RASSF2: variants seen among roughly 807,000 people sequenced by gnomAD.
RASSF2 encodes Ras association domain family member 2.
In RASSF2, 34 loss-of-function variants were observed where a neutral mutation model predicts 46.3. The ratio of observed to expected loss-of-function variants is 0.73; its 90% CI spans 0.56 to 0.98. The LOEUF (loss-of-function observed/expected upper bound fraction) is 0.98, where lower values mean the gene tolerates loss of function less well. RASSF2 is among the 50% of genes least tolerant of loss of function. The pLI is 0.00. For synonymous variants in RASSF2, 158 were observed against 162.5 expected, an observed-to-expected ratio of 0.97 and a Z score of 0.21; for missense variants, 364 against 431.2, an observed-to-expected ratio of 0.84 and a Z score of 1.38.
At chr20:4,789,524 C>T (rs1346712699) in intron 8 of RASSF2, 72 bp downstream of exon 8, 15 of 1,319,410 alleles carry the variant, frequency 1.1e-5, no homozygotes, top group African/African-American at 7.3e-5. Flanking sequence ...CATAGCTCCT[C>T]GCACAACCAC....
rs150794879 is a variant in RASSF2 at position 4,808,140 on chromosome 20, G to A, written c.-32-7078C>T. Among the ~76,000 whole-genome samples the A allele has an allele frequency of 2.1e-3, 317 of 152,324 alleles. 4 individuals carry two copies. Among genetic ancestry groups the A allele is most frequent in the Non-Finnish European group, 2.5e-3 (172 of 68,042 alleles). On this transcript the variant is annotated intron_variant, in intron 2 of 11. Coordinates refer to ENST00000379400, the MANE Select transcript of RASSF2 (RefSeq NM_014737.3). Reference sequence around the variant, plus strand: ...ATTCAACTGGACACTTCCTCCAGGGGTGCCTGCCATTATCTGTGGCCTTGG... The same window carrying A: ...ATTCAACTGGACACTTCCTCCAGGGATGCCTGCCATTATCTGTGGCCTTGG...
Position 4,781,795 on chromosome 20 carries a change from C to T in RASSF2, c.*2478G>A, listed in dbSNP as rs1295814696. 6.6e-6 allele frequency: 1 copy of T among 152,210 alleles called. No individual in the cohort carries two copies. Among genetic ancestry groups the T allele is most frequent in the African/African-American group, 2.4e-5 (1 of 41,448 alleles). 9.4% of individuals were successfully genotyped at this position (152,210 alleles called of 1,614,324 possible). ...TTTGTCCTTTACACAATTTCAGGTT[C>T]ATTGCACGCAATTACATAAACTCCC... On this transcript the variant is annotated 3_prime_UTR_variant, in exon 12 of 12. Transcript: ENST00000379400.
At chr20:4,817,138 A>G (rs1928382243) in intron 2 of RASSF2, among the ~76,000 whole-genome samples, 1 of 152,106 alleles carries the variant, frequency 6.6e-6, no homozygotes, top group Non-Finnish European at 1.5e-5. Context: ...CTTCCACGTT[A>G]ATAGCTACAC....
chr20:4,786,068 C>G (rs753153693), intron 11 of RASSF2, among the ~76,000 whole-genome samples, 163 bp downstream of exon 11: 1 of 152,172 alleles, frequency 6.6e-6, no homozygotes, highest in African/African-American at 2.4e-5. Flanking sequence ...TTAACTGTCA[C>G]GTCCTCACTT....
chr20:4,794,759 A>T (rs558798100), intron 5 of RASSF2, among the ~76,000 whole-genome samples: 26 of 152,176 alleles, frequency 1.7e-4, no homozygotes, highest in Non-Finnish European at 2.9e-4. Context: ...CAGAGCATGA[A>T]ACCTGCAAAG....
intron 6 of RASSF2, among the ~76,000 whole-genome samples, chr20:4,791,384 G>C (rs1925864981): frequency 6.6e-6 from 1 of 152,046 alleles, no homozygotes; most frequent in Admixed American, 6.6e-5. Flanking sequence ...CCACTGAACT[G>C]TACCACTTAA....
intron 2 of RASSF2, among the ~76,000 whole-genome samples, chr20:4,807,981 G>A (rs1331081177): frequency 6.6e-6 from 1 of 152,132 alleles, no homozygotes; most frequent in Non-Finnish European, 1.5e-5. Flanking sequence ...CCACCTTAAG[G>A]CAAACAGCAG....
At chr20:4,786,465 C>T in intron 10 of RASSF2, 137 bp from the exon 11 acceptor site, 2 of 803,434 alleles carry the variant, frequency 2.5e-6, no homozygotes, top group Non-Finnish European at 4.3e-6. Flanking sequence ...TTAAAGGCAG[C>T]AGCCAAGCCT....
chr20:4,802,638 A>T (rs530892138), intron 2 of RASSF2, among the ~76,000 whole-genome samples: 2 of 152,274 alleles, frequency 1.3e-5, no homozygotes, highest in African/African-American at 4.8e-5. Flanking sequence ...CTGATTTTAT[A>T]GAATGGTGAT....
Position 4,802,868 on chromosome 20 carries a change from G to A in RASSF2, c.-32-1806C>T, listed in dbSNP as rs182764980. Among the ~76,000 whole-genome samples, 566 of 143,430 alleles carry A rather than the reference G, an allele frequency of 3.9e-3. 17 individuals are homozygous for A. Among genetic ancestry groups the A allele is most frequent in the Admixed American group, 0.031 (425 of 13,848 alleles). 94.1% of individuals were successfully genotyped at this position (143,430 alleles called of 152,430 possible). A position where few individuals can be genotyped will look rare whatever the true frequency, so the allele number is the denominator to read the frequency against. On this transcript the variant is annotated intron_variant, in intron 2 of 11. Coordinates refer to ENST00000379400, the MANE Select transcript of RASSF2 (RefSeq NM_014737.3). Reference sequence around the variant, plus strand: ...ATTTTACCACTATATACATATACACGTGTATGTGTGTGTGTATATATATAT... The same window carrying A: ...ATTTTACCACTATATACATATACACATGTATGTGTGTGTGTATATATATAT...
chr20:4,819,048 C>T lies in RASSF2; in HGVS notation c.-33+3281G>A, dbSNP rs150201964. Among the ~76,000 whole-genome samples the T allele has an allele frequency of 2.9e-3, 435 of 152,266 alleles. 1 individual carries two copies. Among genetic ancestry groups the T allele is most frequent in the African/African-American group, 0.01 (416 of 41,540 alleles). On this transcript the variant is annotated intron_variant, in intron 2 of 11. Coordinates refer to ENST00000379400, the MANE Select transcript of RASSF2 (RefSeq NM_014737.3). Reference sequence around the variant, plus strand: ...CGAGATCTCAGCTCACTGCAACCTCCGCCTTCCAGGTTCAAGCGATTCTCC... The same window carrying T: ...CGAGATCTCAGCTCACTGCAACCTCTGCCTTCCAGGTTCAAGCGATTCTCC...
At chr20:4,800,318 G>C (rs1926752661) in intron 3 of RASSF2, among the ~76,000 whole-genome samples, 1 of 152,166 alleles carries the variant, frequency 6.6e-6, no homozygotes, top group African/African-American at 2.4e-5. Context: ...AGGACTCCCT[G>C]GGAACACAAC....
intron 2 of RASSF2, among the ~76,000 whole-genome samples, chr20:4,801,841 T>C (rs938608597): frequency 7.3e-5 from 11 of 151,724 alleles, no homozygotes; most frequent in African/African-American, 2.4e-4. Context: ...CAGGTTCAGG[T>C]GATTCTCTTG....
chr20:4,802,310 A>G (rs1926937494), intron 2 of RASSF2, among the ~76,000 whole-genome samples: 1 of 151,486 alleles, frequency 6.6e-6, no homozygotes, highest in African/African-American at 2.5e-5. Flanking sequence ...TCTGCTCACT[A>G]GATGCCAGCA....
intron 2 of RASSF2, among the ~76,000 whole-genome samples, chr20:4,819,628 T>A (rs1928562327): frequency 6.6e-6 from 1 of 152,130 alleles, no homozygotes; most frequent in East Asian, 1.9e-4. Flanking sequence ...TTATTCAGTA[T>A]CCCACAGCTA....
In RASSF2 at chr20:4,786,303, A is replaced by G; in HGVS notation, c.839T>C (p.Met280Thr). 1 of 1,612,448 alleles carries G rather than the reference A, an allele frequency of 6.2e-7. No individual in the cohort carries two copies. Among genetic ancestry groups the G allele is most frequent in the Non-Finnish European group, 8.5e-7 (1 of 1,178,488 alleles). Residue 280 changes from methionine to threonine, a missense_variant, in exon 11 of 12, where the codon ATG becomes ACG. Coordinates refer to ENST00000379400, the MANE Select transcript of RASSF2 (RefSeq NM_014737.3). The part of the protein sequence containing the change: ...YDVAQYIKFE[M>T]PVLKSFIQKL... ...CTGAATGAAGCTTTTAAGTACCGGCATCTCGAACTTTATATACTGGGCCAC... is the reference window on the plus strand; with the variant it reads ...CTGAATGAAGCTTTTAAGTACCGGCGTCTCGAACTTTATATACTGGGCCAC...
chr20:4,786,068 C>T (rs753153693), intron 11 of RASSF2, among the ~76,000 whole-genome samples, 163 bp downstream of exon 11: 43 of 152,172 alleles, frequency 2.8e-4, no homozygotes, highest in Non-Finnish European at 1.5e-4. Flanking sequence ...TTAACTGTCA[C>T]GTCCTCACTT....
chr20:4,798,938 A>G (rs966061746), intron 3 of RASSF2, among the ~76,000 whole-genome samples: 3 of 151,980 alleles, frequency 2.0e-5, no homozygotes, highest in Non-Finnish European at 4.4e-5. Context: ...AGCGAAGAGA[A>G]TGTGAATGAA....
intron 2 of RASSF2, among the ~76,000 whole-genome samples, chr20:4,816,083 C>T (rs1928282825): frequency 6.6e-6 from 1 of 152,178 alleles, no homozygotes; most frequent in South Asian, 2.1e-4. Flanking sequence ...GGGAGGATGG[C>T]TTGCATGCAG....
Sources: allele counts gnomAD v4.1 joint callset (sites outside exome capture counted in the v4.1 genomes callset), GRCh38; gene constraint gnomAD v4.1.1; transcripts MANE v1.5; gene names NCBI Gene and HGNC (gene_info 2026-07-23, HGNC 2026-07-21).